Variants in WDR74 observed in about 807,000 individuals in gnomAD.
WDR74 encodes WD repeat-containing protein 74.
WDR74 carries 31 observed loss-of-function variants against 45.6 expected under a neutral mutation model. The observed-to-expected ratio is 0.68, with a 90% CI of 0.51 to 0.92. The LOEUF (loss-of-function observed/expected upper bound fraction) is 0.92. WDR74 is among the 40% of genes least tolerant of loss of function. The pLI, the probability that WDR74 is intolerant of heterozygous loss-of-function variation, is 0.00. For synonymous variants in WDR74, 191 were observed against 192.4 expected (o/e 0.99, Z 0.06); for missense variants, 455 against 497.2 (o/e 0.92, Z 0.81).
At chr11:62,841,591 TTAAACAACGGTTGTTCTCTCCCCGAAGGG>T (rs1343725839), upstream of WDR74, 1 of 152,142 alleles carries the variant, frequency 6.6e-6, no homozygotes. Flanking sequence ...AAATCTTCCA[TTAAACAACGGTTGTTCTCTCCCCGAAGGG>T]AGAGTGCACC....
chr11:62,834,543 A>G lies in WDR74; in HGVS notation c.619-16T>C. 1 of 1,599,594 alleles carries G rather than the reference A, an allele frequency of 6.3e-7. No individual in the cohort carries two copies. The highest frequency in any genetic ancestry group is 1.1e-5 in the South Asian group (1 of 90,480). On this transcript the variant is annotated splice_polypyrimidine_tract_variant and intron_variant, in intron 6 of 10. Coordinates refer to ENST00000278856, the MANE Select transcript of WDR74 (RefSeq NM_001369450.1). ...AAACACGGACCTAGAGGAAGGCTGA[A>G]GCATCACAAAAGTATCCTCACCCTG...
At chr11:62,838,673 G>T (rs28502389) in intron 3 of WDR74, among the ~76,000 whole-genome samples, 7,548 of 151,342 alleles carry the variant, frequency 0.05, 242 homozygotes, top group East Asian at 0.14. Context: ...CAGGAGTATC[G>T]CTTGAACCCG....
chr11:62,841,729 C>G (rs913521152), upstream of WDR74: 4 of 152,242 alleles, frequency 2.6e-5, no homozygotes, highest in African/African-American at 4.8e-5. Flanking sequence ...ATATATTGTC[C>G]TCGGATAGAG....
upstream of WDR74, chr11:62,841,729 C>CTCGGATA (rs2085065534): frequency 6.6e-6 from 1 of 152,124 alleles, no homozygotes; most frequent in South Asian, 2.1e-4. Context: ...ATATATTGTC[C>CTCGGATA]TCGGATAGAG....
chr11:62,841,591 TTAAACAACGGTTGTTCTCTCCCCGAAG>T (rs1565225690), upstream of WDR74: 2 of 152,142 alleles, frequency 1.3e-5, no homozygotes, highest in African/African-American at 4.8e-5. Flanking sequence ...AAATCTTCCA[TTAAACAACGGTTGTTCTCTCCCCGAAG>T]GGAGAGTGCA....
At chr11:62,833,206 G>T in intron 10 of WDR74, 75 bp from the exon 11 acceptor site, 1 of 1,478,194 alleles carries the variant, frequency 6.8e-7, no homozygotes, top group South Asian at 1.2e-5. Flanking sequence ...TCAGCACTTT[G>T]GGAGACCAAG....
At chr11:62,841,632 T>A (rs558524282), upstream of WDR74, 1 of 152,234 alleles carries the variant, frequency 6.6e-6, no homozygotes, top group Non-Finnish European at 1.5e-5. Flanking sequence ...GAGTGCACCG[T>A]TCCTGGAAGT....
Position 62,839,369 on chromosome 11 carries a change from C to T in WDR74, c.124G>A (p.Glu42Lys). 1 of 1,612,280 alleles carries T rather than the reference C, an allele frequency of 6.2e-7. No individual in the cohort carries two copies. Among genetic ancestry groups the T allele is most frequent in the Non-Finnish European group, 8.5e-7 (1 of 1,179,776 alleles). The change falls in exon 2 of 11, where the codon GAG (glutamate) becomes AAG (lysine). Residue 42 changes from glutamate to lysine, a missense_variant. By Grantham distance (56) the Glu-to-Lys change is moderately conservative. Transcript: ENST00000278856. ...CAACACAGGGCGCTCACTGCCTCCT[C>T]GCGCCGCGGCTGTCCTCCGGCCGTG... ...NFTAGGQPRR[E>K]EAVSALCWGT... is the part of the protein sequence containing the mutation.
chr11:62,836,007 A>T lies in WDR74; in HGVS notation c.323T>A (p.Ile108Asn). Residue 108 changes from isoleucine (I) to asparagine (N), a missense_variant, in exon 4 of 11, where the codon ATT becomes AAT. Physicochemically the swap from Ile to Asn is moderately radical, Grantham distance 149 (BLOSUM62 -3). Coordinates refer to ENST00000278856, the MANE Select transcript of WDR74 (RefSeq NM_001369450.1). Reference sequence around the variant, plus strand: ...GTCCTTGTCATGCCAGACTCTGAGAATCCCAGAATCCACACATGTGATGAG... The same window carrying T: ...GTCCTTGTCATGCCAGACTCTGAGATTCCCAGAATCCACACATGTGATGAG... ...GTLITCVDSG[I>N]LRVWHDKDKD... is the part of the protein sequence containing the mutation. 6.3e-7 allele frequency: 1 copy of T among 1,596,354 alleles called. No homozygotes were observed. Among genetic ancestry groups the T allele is most frequent in the Non-Finnish European group, 8.5e-7 (1 of 1,171,338 alleles).
At position 62,833,912 on chromosome 11, in the gene WDR74, C is replaced by G; in HGVS notation, c.801G>C (p.Gly267=). ...RQGRLLGCLK[G]LAGSVRGLQC... ...GCAACCCACGCACACTGCCTGCCAG[C>G]CCCTTCAGACAGCCCAGTAGACGCC... is the stretch of plus-strand genomic sequence containing the variant. Residue 267 remains glycine (G), a synonymous_variant, in exon 9 of 11, where the codon GGG becomes GGC. Coordinates refer to ENST00000278856, the MANE Select transcript of WDR74 (RefSeq NM_001369450.1). The G allele has an allele frequency of 6.2e-7, 1 of 1,613,962 alleles. No individual in the cohort carries two copies. Among genetic ancestry groups the G allele is most frequent in the Non-Finnish European group, 8.5e-7 (1 of 1,179,868 alleles).
upstream of WDR74, among the ~76,000 whole-genome samples, chr11:62,841,414 T>C (rs941260711): frequency 1.3e-5 from 2 of 150,698 alleles, no homozygotes; most frequent in African/African-American, 4.9e-5. Flanking sequence ...AGTATGAAGA[T>C]TGCTGAAGAC....
upstream of WDR74, among the ~76,000 whole-genome samples, chr11:62,840,548 C>T (rs2085031189): frequency 6.6e-6 from 1 of 151,978 alleles, no homozygotes; most frequent in Non-Finnish European, 1.5e-5. Context: ...AGAAAGTCAT[C>T]GCTCAGTAGA....
intron 6 of WDR74, chr11:62,835,125 CCAGTT>C: frequency 3.1e-6 from 1 of 322,112 alleles, no homozygotes; most frequent in South Asian, 4.4e-5. Flanking sequence ...GGACCAGAAC[CCAGTT>C]CTCTTAACAC....
chr11:62,839,545 T>C lies in WDR74; in HGVS notation c.26A>G (p.Asn9Ser), dbSNP rs1159725892. MAAAAARWNHVWVGTETGI... is the reference protein window; with the variant it reads MAAAAARWSHVWVGTETGI... ...AGTCTCGGTGCCGACCCACACATGG[T>C]TCCAGCGTGCAGCAGCAGCCGCCAT... The change falls in exon 1 of 11, where the codon AAC becomes AGC. Residue 9 changes from asparagine to serine, a missense_variant. Transcript: ENST00000278856. 2 of 1,612,738 alleles carry C rather than the reference T, an allele frequency of 1.2e-6. No individual in the cohort carries two copies. The highest frequency in any genetic ancestry group is 1.7e-5 in the Admixed American group (1 of 59,898).
intron 5 of WDR74, 60 bp downstream of exon 5, chr11:62,835,635 G>A (rs1310927420): frequency 5.0e-6 from 8 of 1,613,662 alleles, no homozygotes; most frequent in South Asian, 3.3e-5. Context: ...CTAATGCATC[G>A]TCAGTGGCCT....
intron 3 of WDR74, among the ~76,000 whole-genome samples, chr11:62,837,830 C>A (rs1180998557): frequency 6.6e-6 from 1 of 152,242 alleles, no homozygotes; most frequent in East Asian, 1.9e-4. Flanking sequence ...CCACTTAGCA[C>A]CTTCCTAATC....
At chr11:62,841,582 A>G (rs542773042), upstream of WDR74, 12 of 152,308 alleles carry the variant, frequency 7.9e-5, no homozygotes, top group East Asian at 2.3e-3. Context: ...AACTGATCGA[A>G]ATCTTCCATT....
chr11:62,836,856 T>C (rs1287166788), intron 3 of WDR74, among the ~76,000 whole-genome samples: 1 of 152,208 alleles, frequency 6.6e-6, no homozygotes, highest in Non-Finnish European at 1.5e-5. Context: ...GCAGATCACC[T>C]GAGGTCAGGA....
At chr11:62,841,378 A>G (rs1056143871), upstream of WDR74, among the ~76,000 whole-genome samples, 3 of 152,088 alleles carry the variant, frequency 2.0e-5, no homozygotes, top group Admixed American at 6.6e-5. Context: ...CAAGCGCTCA[A>G]TAGTTCCAAC....
Sources: allele counts gnomAD v4.1 joint callset (sites outside exome capture counted in the v4.1 genomes callset), GRCh38; gene constraint gnomAD v4.1.1; transcripts MANE v1.5; gene names NCBI Gene and HGNC (gene_info 2026-07-23, HGNC 2026-07-21).